The following CDYL variants were observed in gnomAD, a reference collection of about 807,000 sequenced individuals.
The protein encoded by CDYL is chromodomain Y like.
In CDYL, 8 loss-of-function variants were observed where a neutral mutation model predicts 47.3. The observed-to-expected ratio is 0.17, with a 90% CI of 0.10 to 0.31. CDYL has a LOEUF of 0.31. Ranked by LOEUF, CDYL falls within the 10% of genes least tolerant of loss-of-function variation. The pLI, the probability that CDYL is intolerant of heterozygous loss-of-function variation, is 1.00. For missense variants in CDYL, 471 were observed against 701.4 expected, an observed-to-expected ratio of 0.67 and a Z score of 3.71; for synonymous variants, 266 against 265.0, an observed-to-expected ratio of 1.00 and a Z score of -0.04.
chr6:4,740,483 T>C (rs1023977479), intron 3 of CDYL, among the ~76,000 whole-genome samples: 4 of 152,136 alleles, frequency 2.6e-5, no homozygotes, highest in African/African-American at 9.7e-5. Flanking sequence ...AACCATCTGG[T>C]CCAAATGTCA....
intron 1 of CDYL, among the ~76,000 whole-genome samples, chr6:4,842,984 T>C (rs534304217): frequency 1.3e-5 from 2 of 152,360 alleles, no homozygotes; most frequent in African/African-American, 2.4e-5. Context: ...TTAGCAGTTA[T>C]TGTAGCGCTG....
chr6:4,791,312 T>C (rs935940852), intron 1 of CDYL, among the ~76,000 whole-genome samples: 56 of 152,358 alleles, frequency 3.7e-4, no homozygotes, highest in African/African-American at 1.3e-3. Flanking sequence ...ATGAAATTTT[T>C]AACGAAGACC....
In CDYL at chr6:4,954,141, G is replaced by T; in HGVS notation, c.*85G>T. 7.0e-7 allele frequency: 1 copy of T among 1,434,170 alleles called. No homozygotes were observed. The highest frequency in any genetic ancestry group is 9.4e-7 in the Non-Finnish European group (1 of 1,058,920). The allele number at this position is 1,434,170 out of a possible 1,614,324, so 88.8% of individuals were successfully genotyped here. On this transcript the variant is annotated 3_prime_UTR_variant, in exon 7 of 7. Coordinates refer to ENST00000397588, the MANE Select transcript of CDYL (RefSeq NM_004824.4). ...CCAGTTCCCCTGATCCATTCTCACA[G>T]CCTGAAACAAGCTCACCCGTAGCTT...
At chr6:4,903,143 A>G (rs1218915989) in intron 2 of CDYL, among the ~76,000 whole-genome samples, 1 of 152,154 alleles carries the variant, frequency 6.6e-6, no homozygotes, top group African/African-American at 2.4e-5. Flanking sequence ...GTCGGGACAA[A>G]TTACCAAGGC....
intron 2 of CDYL, among the ~76,000 whole-genome samples, chr6:4,906,752 TG>T (rs762989392): frequency 1.3e-5 from 2 of 151,464 alleles, no homozygotes; most frequent in Non-Finnish European, 2.9e-5. Context: ...AGAGGAAGAG[TG>T]GTGTAAAAAT....
intron 1 of CDYL, among the ~76,000 whole-genome samples, chr6:4,844,203 G>A: frequency 6.6e-6 from 1 of 152,192 alleles, no homozygotes; most frequent in South Asian, 2.1e-4. Context: ...CTCAACTGTA[G>A]ATACCAGCAC....
intron 1 of CDYL, among the ~76,000 whole-genome samples, chr6:4,783,998 T>C (rs115246081): frequency 1.7e-3 from 253 of 152,330 alleles, no homozygotes; most frequent in African/African-American, 5.9e-3. Context: ...TCATTCTCTC[T>C]TCTTTGTCTT....
Position 4,938,868 on chromosome 6 carries a change from C to T in CDYL, c.1121+1131C>T, listed in dbSNP as rs79517235. On this transcript the variant is annotated intron_variant, in intron 4 of 6. Coordinates refer to ENST00000397588, the MANE Select transcript of CDYL (RefSeq NM_004824.4). ...AAACTTTCTCTAAAACCACTTAATT[C>T]GTCTAAAATCATATCCCCTCATTTA... Among the ~76,000 whole-genome samples, 1,103 of 152,238 alleles carry T rather than the reference C, an allele frequency of 7.2e-3. 13 individuals are homozygous for T. Among genetic ancestry groups the T allele is most frequent in the African/African-American group, 0.026 (1,075 of 41,506 alleles).
intron 3 of CDYL, among the ~76,000 whole-genome samples, chr6:4,766,929 G>C (rs1163514233): frequency 6.6e-6 from 1 of 152,074 alleles, no homozygotes; most frequent in Non-Finnish European, 1.5e-5. Flanking sequence ...CTTGAGCCCA[G>C]AAGGTTGAGG....
chr6:4,823,154 C>G (rs1170121372), intron 1 of CDYL, among the ~76,000 whole-genome samples: 7 of 152,288 alleles, frequency 4.6e-5, no homozygotes, highest in Admixed American at 4.6e-4. Flanking sequence ...TTTATTTTAG[C>G]ATTTTAGCAA....
chr6:4,770,156 C>T (rs1371432508), intron 3 of CDYL, among the ~76,000 whole-genome samples: 1 of 151,898 alleles, frequency 6.6e-6, no homozygotes, highest in African/African-American at 2.4e-5. Context: ...TTTTTCCTGA[C>T]AACTTAATGT....
At chr6:4,934,190 A>C (rs75903940) in intron 2 of CDYL, among the ~76,000 whole-genome samples, 3,073 of 152,258 alleles carry the variant, frequency 0.02, 91 homozygotes, top group African/African-American at 0.07. Context: ...GGGGCCCCTG[A>C]GAACCCAGCC....
At chr6:4,857,113 CT>C (rs1359025026) in intron 1 of CDYL, among the ~76,000 whole-genome samples, 1 of 152,162 alleles carries the variant, frequency 6.6e-6, no homozygotes, top group African/African-American at 2.4e-5. Context: ...AAAACACAGG[CT>C]TTTTTCATTG....
chr6:4,832,027 A>C (rs1273789181), intron 1 of CDYL, among the ~76,000 whole-genome samples: 1 of 151,958 alleles, frequency 6.6e-6, no homozygotes, highest in Non-Finnish European at 1.5e-5. Context: ...GCAAACAGGG[A>C]CAATTTGACT....
At chr6:4,883,128 G>C (rs932557305) in intron 1 of CDYL, among the ~76,000 whole-genome samples, 10 of 152,190 alleles carry the variant, frequency 6.6e-5, no homozygotes. Context: ...GGTATCATTG[G>C]TAAACAGGTG....
chr6:4,878,109 C>T (rs1464170526), intron 1 of CDYL, among the ~76,000 whole-genome samples: 2 of 152,062 alleles, frequency 1.3e-5, no homozygotes, highest in African/African-American at 2.4e-5. Flanking sequence ...CACATTTAAT[C>T]ATGACATTTT....
intron 1 of CDYL, among the ~76,000 whole-genome samples, chr6:4,781,475 G>A (rs571669549): frequency 6.6e-6 from 1 of 152,320 alleles, no homozygotes; most frequent in Non-Finnish European, 1.5e-5. Flanking sequence ...AGTTGATAGT[G>A]AGGCAGTGAG....
chr6:4,894,263 C>G (rs892173868), intron 2 of CDYL, among the ~76,000 whole-genome samples: 6 of 152,130 alleles, frequency 3.9e-5, no homozygotes, highest in African/African-American at 1.4e-4. Flanking sequence ...GCGTTCTTCC[C>G]AGCATTGCTT....
At chr6:4,867,294 G>T (rs1301568691) in intron 1 of CDYL, among the ~76,000 whole-genome samples, 2 of 151,844 alleles carry the variant, frequency 1.3e-5, no homozygotes, top group African/African-American at 4.8e-5. Flanking sequence ...CATACCATCT[G>T]TGAATAAAGA....
Sources: allele counts gnomAD v4.1 joint callset (sites outside exome capture counted in the v4.1 genomes callset), GRCh38; gene constraint gnomAD v4.1.1; transcripts MANE v1.5; gene names NCBI Gene and HGNC (gene_info 2026-07-23, HGNC 2026-07-21).